PPFIA2: variants seen among roughly 807,000 people sequenced by gnomAD.
PPFIA2 encodes the protein PPFI scaffold protein A2, also known as liprin-alpha-2.
Under a neutral mutation model 175.5 loss-of-function variants are expected in PPFIA2, and 46 were observed. The observed-to-expected ratio is 0.26, with a 90% CI of 0.21 to 0.34. PPFIA2 has a LOEUF of 0.34. Ranked by LOEUF, PPFIA2 falls within the 10% of genes least tolerant of loss-of-function variation. The pLI is 1.00. For missense variants in PPFIA2, 1,179 were observed against 1,506.1 expected, an observed-to-expected ratio of 0.78 and a Z score of 3.60; for synonymous variants, 568 against 511.4, an observed-to-expected ratio of 1.11 and a Z score of -1.49.
chr12:81,305,248 C>T (rs2048866087), intron 22 of PPFIA2, among the ~76,000 whole-genome samples: 1 of 152,008 alleles, frequency 6.6e-6, no homozygotes, highest in Admixed American at 6.6e-5. Context: ...CACCTAGCAG[C>T]CAATATGTAT....
chr12:81,751,295 C>A (rs995482965), intron 3 of PPFIA2, among the ~76,000 whole-genome samples: 1 of 151,882 alleles, frequency 6.6e-6, no homozygotes, highest in Admixed American at 6.6e-5. Context: ...GGCTCATAAT[C>A]CCTAATCTAC....
intron 4 of PPFIA2, among the ~76,000 whole-genome samples, chr12:81,536,689 ATGC>A (rs1308702835): frequency 2.7e-5 from 4 of 145,540 alleles, no homozygotes; most frequent in African/African-American, 1.0e-4. Context: ...TAATATATAC[ATGC>A]TATATATATA....
At chr12:81,706,678 A>T (rs930865075) in intron 3 of PPFIA2, among the ~76,000 whole-genome samples, 2 of 152,150 alleles carry the variant, frequency 1.3e-5, no homozygotes, top group East Asian at 3.9e-4. Context: ...CTCAGGGGTC[A>T]GGGGTCAGGG....
chr12:81,549,409 T>C (rs1033027484), intron 4 of PPFIA2, among the ~76,000 whole-genome samples: 3 of 152,192 alleles, frequency 2.0e-5, no homozygotes, highest in East Asian at 1.9e-4. Flanking sequence ...CAAGAATGGA[T>C]AGAACTTTTG....
At chr12:81,346,926 ATTATT>A (rs2059168751) in intron 18 of PPFIA2, among the ~76,000 whole-genome samples, 2 of 151,916 alleles carry the variant, frequency 1.3e-5, no homozygotes, top group East Asian at 3.9e-4. Context: ...TTAAAAAAAA[ATTATT>A]TTATTTTATT....
chr12:81,432,757 A>G (rs1254707909), intron 7 of PPFIA2, among the ~76,000 whole-genome samples: 1 of 152,096 alleles, frequency 6.6e-6, no homozygotes, highest in East Asian at 1.9e-4. Context: ...ACGCCCGGCT[A>G]GAACTAACTA....
chr12:81,686,744 C>A (rs1293111694), intron 3 of PPFIA2, among the ~76,000 whole-genome samples: 1 of 152,044 alleles, frequency 6.6e-6, no homozygotes, highest in Non-Finnish European at 1.5e-5. Context: ...ATAGAGTTTT[C>A]CCTTACTCTG....
In PPFIA2 at chr12:81,661,883, G is replaced by T. The variant is rs372879664; in HGVS notation, c.303+14908C>A. Among the ~76,000 whole-genome samples, 24 of 152,212 alleles carry T rather than the reference G, an allele frequency of 1.6e-4. No individual in the cohort carries two copies. The East Asian group carries it at 3.1e-3, about 20-fold the overall frequency. ...CACAGTGCAATCAAACTAGAATTCA[G>T]GATTAAGAAACTCATTCAAAACCAC... is the stretch of plus-strand genomic sequence containing the variant. On this transcript the variant is annotated intron_variant, in intron 4 of 32. Transcript: ENST00000549396.
intron 9 of PPFIA2, among the ~76,000 whole-genome samples, chr12:81,379,688 T>C (rs2037205010): frequency 6.6e-6 from 1 of 152,186 alleles, no homozygotes. Flanking sequence ...CCAACTCACG[T>C]ATTCTTCCTA....
intron 17 of PPFIA2, among the ~76,000 whole-genome samples, chr12:81,352,734 G>A (rs1026678430): frequency 1.3e-5 from 2 of 151,774 alleles, no homozygotes; most frequent in Non-Finnish European, 2.9e-5. Context: ...ATTGCAGTAT[G>A]TAATGTATCT....
chr12:81,512,655 T>C (rs934131707), intron 4 of PPFIA2, among the ~76,000 whole-genome samples: 1 of 152,014 alleles, frequency 6.6e-6, no homozygotes. Context: ...ATATACTGTA[T>C]ACTCAATATG....
chr12:81,386,950 T>C (rs929120861), intron 8 of PPFIA2, among the ~76,000 whole-genome samples: 2 of 152,124 alleles, frequency 1.3e-5, no homozygotes, highest in Admixed American at 6.6e-5. Context: ...CACACCTGGC[T>C]GAAACAAGCC....
At chr12:81,729,477 G>A (rs1411790515) in intron 3 of PPFIA2, among the ~76,000 whole-genome samples, 2 of 151,522 alleles carry the variant, frequency 1.3e-5, no homozygotes, top group Non-Finnish European at 3.0e-5. Flanking sequence ...ATTGTGAATA[G>A]TTTCAGATAT....
intron 4 of PPFIA2, among the ~76,000 whole-genome samples, chr12:81,459,291 T>C (rs2054119603): frequency 6.6e-6 from 1 of 152,148 alleles, no homozygotes; most frequent in Non-Finnish European, 1.5e-5. Context: ...TAAACCTTTC[T>C]CTAGAAAATA....
intron 4 of PPFIA2, among the ~76,000 whole-genome samples, chr12:81,674,495 C>T (rs938942357): frequency 6.6e-6 from 1 of 151,948 alleles, no homozygotes; most frequent in Non-Finnish European, 1.5e-5. Flanking sequence ...CGGTGAAACC[C>T]TGTATCTACT....
chr12:81,731,050 A>T (rs2080831782), intron 3 of PPFIA2, among the ~76,000 whole-genome samples: 1 of 151,634 alleles, frequency 6.6e-6, no homozygotes, highest in South Asian at 2.1e-4. Flanking sequence ...CTCTTATTGC[A>T]ACTGCCAGAG....
At chr12:81,600,149 G>T (rs1327019141) in intron 4 of PPFIA2, among the ~76,000 whole-genome samples, 1 of 151,920 alleles carries the variant, frequency 6.6e-6, no homozygotes, top group Non-Finnish European at 1.5e-5. Context: ...CCCCTTGGAA[G>T]ACAGAGTACC....
intron 16 of PPFIA2, among the ~76,000 whole-genome samples, chr12:81,354,826 T>C (rs1185698059): frequency 6.6e-6 from 1 of 152,002 alleles, no homozygotes; most frequent in African/African-American, 2.4e-5. Context: ...GTACTTTTAG[T>C]AGAGATGAGA....
At chr12:81,517,159 G>C (rs915638409) in intron 4 of PPFIA2, among the ~76,000 whole-genome samples, 10 of 137,284 alleles carry the variant, frequency 7.3e-5, no homozygotes, top group African/African-American at 2.4e-4. Flanking sequence ...TCTAGTAGAA[G>C]ACAACAGAAT....
Sources: allele counts gnomAD v4.1 joint callset (sites outside exome capture counted in the v4.1 genomes callset), GRCh38; gene constraint gnomAD v4.1.1; transcripts MANE v1.5; gene names NCBI Gene and HGNC (gene_info 2026-07-23, HGNC 2026-07-21).